The following PTPRD variants were observed in gnomAD, a reference collection of about 807,000 sequenced individuals.
The protein encoded by PTPRD is receptor-type tyrosine-protein phosphatase delta.
Under a neutral mutation model 214.5 loss-of-function variants are expected in PTPRD, and 34 were observed. That is an observed-to-expected ratio of 0.16 (90% confidence interval 0.12 to 0.21). PTPRD has a LOEUF of 0.21. Ranked by LOEUF, PTPRD falls within the 10% of genes least tolerant of loss-of-function variation. The pLI is 1.00. For synonymous variants in PTPRD, 1,128 were observed against 845.7 expected, an observed-to-expected ratio of 1.33 and a Z score of -5.79; for missense variants, 2,545 against 2,398.7, an observed-to-expected ratio of 1.06 and a Z score of -1.27.
intron 8 of PTPRD, among the ~76,000 whole-genome samples, chr9:9,398,153 C>T (rs1449445020): frequency 2.1e-5 from 3 of 142,968 alleles, no homozygotes; most frequent in Admixed American, 6.9e-5. Flanking sequence ...CTTCGGTTTA[C>T]TTCATTTGCT....
chr9:9,820,614 G>C (rs991838524), intron 5 of PTPRD, among the ~76,000 whole-genome samples: 1 of 152,044 alleles, frequency 6.6e-6, no homozygotes, highest in African/African-American at 2.4e-5. Context: ...CTTGTGGTTT[G>C]AGGTCTTACA....
chr9:9,570,072 T>C (rs763259474), intron 8 of PTPRD, among the ~76,000 whole-genome samples: 1 of 151,568 alleles, frequency 6.6e-6, no homozygotes, highest in Non-Finnish European at 1.5e-5. Flanking sequence ...CTTTAACAAT[T>C]CTGTGTAATC....
rs76003506 is a variant in PTPRD at position 8,778,954 on chromosome 9, T to A, written c.-103-45008A>T. Among the ~76,000 whole-genome samples, 995 of 152,244 alleles carry A rather than the reference T, an allele frequency of 6.5e-3. 9 individuals are homozygous for A. The highest frequency in any genetic ancestry group is 0.023 in the African/African-American group (959 of 41,570). On this transcript the variant is annotated intron_variant, in intron 11 of 45. Coordinates refer to ENST00000381196, the MANE Select transcript of PTPRD (RefSeq NM_002839.4). ...GAAAATTACTTTTCAAGAGCAGTGT[T>A]AAAAAGCAACACAATGATTCTTTAT...
At chr9:9,325,353 C>G (rs1246467668) in intron 9 of PTPRD, among the ~76,000 whole-genome samples, 1 of 151,774 alleles carries the variant, frequency 6.6e-6, no homozygotes, top group Non-Finnish European at 1.5e-5. Context: ...TTGTTTGTAT[C>G]CTTTTTTATT....
chr9:10,164,694 T>C (rs940490808), intron 3 of PTPRD, among the ~76,000 whole-genome samples: 2 of 151,654 alleles, frequency 1.3e-5, no homozygotes, highest in African/African-American at 4.8e-5. Context: ...AAAGTTGGTA[T>C]TCAAATAGAA....
At chr9:10,265,351 C>T (rs906371135) in intron 3 of PTPRD, among the ~76,000 whole-genome samples, 4 of 152,150 alleles carry the variant, frequency 2.6e-5, no homozygotes, top group Non-Finnish European at 4.4e-5. Flanking sequence ...AACCATCAGA[C>T]ATAAAAATGA....
intron 5 of PTPRD, among the ~76,000 whole-genome samples, chr9:9,847,915 C>T (rs1237312805): frequency 2.0e-5 from 3 of 152,076 alleles, no homozygotes; most frequent in Non-Finnish European, 2.9e-5. Flanking sequence ...GGCAGATCCA[C>T]GTGATGAAGC....
intron 14 of PTPRD, among the ~76,000 whole-genome samples, chr9:8,579,564 C>T (rs1211617211): frequency 6.6e-6 from 1 of 152,072 alleles, no homozygotes; most frequent in African/African-American, 2.4e-5. Context: ...ACCCACAGTG[C>T]CTGTCATAAA....
At chr9:10,575,972 G>C (rs1291166339) in intron 2 of PTPRD, among the ~76,000 whole-genome samples, 2 of 152,062 alleles carry the variant, frequency 1.3e-5, no homozygotes, top group African/African-American at 2.4e-5. Flanking sequence ...CCTTTCAAAT[G>C]ATCAGATTAG....
At chr9:9,397,785 T>C (rs1035742532) in intron 8 of PTPRD, among the ~76,000 whole-genome samples, 14 of 151,922 alleles carry the variant, frequency 9.2e-5, no homozygotes, top group African/African-American at 3.4e-4. Context: ...CAGGCAAAAA[T>C]ACAGAGTCAT....
At chr9:10,310,938 A>G (rs1027985476) in intron 3 of PTPRD, among the ~76,000 whole-genome samples, 1 of 152,060 alleles carries the variant, frequency 6.6e-6, no homozygotes, top group Non-Finnish European at 1.5e-5. Context: ...TGCTGTACCT[A>G]TGCATTCAAA....
chr9:9,376,265 A>G (rs1307028275), intron 9 of PTPRD, among the ~76,000 whole-genome samples: 1 of 152,148 alleles, frequency 6.6e-6, no homozygotes, highest in Non-Finnish European at 1.5e-5. Flanking sequence ...CTCTATGGCA[A>G]ACAAATGCCT....
At chr9:8,354,349 A>C (rs914673764) in intron 39 of PTPRD, among the ~76,000 whole-genome samples, 1 of 152,210 alleles carries the variant, frequency 6.6e-6, no homozygotes, top group Non-Finnish European at 1.5e-5. Flanking sequence ...TGAAATAACT[A>C]TCTACCATGA....
At chr9:9,865,650 G>C (rs898856362) in intron 5 of PTPRD, among the ~76,000 whole-genome samples, 11 of 151,958 alleles carry the variant, frequency 7.2e-5, no homozygotes, top group African/African-American at 2.7e-4. Context: ...GACAATAATG[G>C]GAGAAATAAG....
At chr9:9,360,043 C>A (rs2055423321) in intron 9 of PTPRD, among the ~76,000 whole-genome samples, 1 of 151,056 alleles carries the variant, frequency 6.6e-6, no homozygotes, top group Non-Finnish European at 1.5e-5. Context: ...AACTAAAAAT[C>A]CCATGTGTTT....
At chr9:10,496,231 ACTTGAAG>A (rs2041991019) in intron 2 of PTPRD, among the ~76,000 whole-genome samples, 1 of 151,868 alleles carries the variant, frequency 6.6e-6, no homozygotes. Context: ...TTGTAAGAGC[ACTTGAAG>A]CTATTACCAG....
chr9:8,911,219 CA>C (rs1478939595), intron 11 of PTPRD, among the ~76,000 whole-genome samples: 1 of 152,128 alleles, frequency 6.6e-6, no homozygotes, highest in Non-Finnish European at 1.5e-5. Flanking sequence ...TTGCTATAAA[CA>C]ATGTGGTATT....
intron 12 of PTPRD, among the ~76,000 whole-genome samples, chr9:8,675,536 CACAAAAAAAAAA>C (rs1319980292): frequency 7.2e-5 from 5 of 69,922 alleles, no homozygotes; most frequent in African/African-American, 3.8e-4. Flanking sequence ...CACACACACA[CACAAAAAAAAAA>C]AAAAAAAAAA....
intron 9 of PTPRD, among the ~76,000 whole-genome samples, chr9:9,310,526 T>C (rs1165977386): frequency 6.6e-6 from 1 of 152,216 alleles, no homozygotes; most frequent in African/African-American, 2.4e-5. Context: ...GACAATCATG[T>C]CTTTAGCTGA....
Sources: gnomAD v4.1 joint callset for allele counts (sites outside exome capture counted in the v4.1 genomes callset) on GRCh38, gnomAD v4.1.1 for gene constraint, MANE v1.5 for transcripts, NCBI Gene and HGNC (gene_info 2026-07-23, HGNC 2026-07-21) for gene names.